Variants in SCN4A observed in about 807,000 individuals in gnomAD.
SCN4A encodes the protein sodium voltage-gated channel alpha subunit 4.
Under a neutral mutation model 162.0 loss-of-function variants are expected in SCN4A, and 83 were observed. The observed-to-expected ratio is 0.51, with a 90% CI of 0.43 to 0.61. The LOEUF is 0.61. Ranked by LOEUF, SCN4A falls within the 20% of genes least tolerant of loss-of-function variation. The pLI, the probability that SCN4A is intolerant of heterozygous loss-of-function variation, is 0.00. For synonymous variants in SCN4A, 944 were observed against 985.1 expected, an observed-to-expected ratio of 0.96 and a Z score of 0.78; for missense variants, 2,196 against 2,462.5, an observed-to-expected ratio of 0.89 and a Z score of 2.29.
At position 63,948,749 on chromosome 17, in the gene SCN4A, C is replaced by G. The variant is rs777574815; in HGVS notation, c.3006G>C (p.Trp1002Cys). The G allele has an allele frequency of 7.5e-6, 12 of 1,610,380 alleles. No homozygotes were observed. Among genetic ancestry groups the G allele is most frequent in the Non-Finnish European group, 1.0e-5 (12 of 1,177,942 alleles). Residue 1002 changes from tryptophan (W) to cysteine (C), a missense_variant, in exon 16 of 24, where the codon TGG becomes TGC. Coordinates refer to ENST00000435607, the MANE Select transcript of SCN4A (RefSeq NM_000334.4). ...GGGAGATGTCCACGTAGAGGCAGGG[C>G]CAGCGCTGCACGCAGGCTGATGGGG... ...ECFTEACVQR[W>C]PCLYVDISQG...
At chr17:63,967,733 G>C (rs978264647) in intron 6 of SCN4A, among the ~76,000 whole-genome samples, 16 of 152,008 alleles carry the variant, frequency 1.1e-4, no homozygotes, top group Middle Eastern at 3.4e-3. Flanking sequence ...AGGAGTTCGA[G>C]ACCAGCCTGG....
intron 13 of SCN4A, among the ~76,000 whole-genome samples, chr17:63,953,127 G>T (rs998884503): frequency 9.2e-5 from 14 of 152,184 alleles, no homozygotes; most frequent in Admixed American, 7.9e-4. Flanking sequence ...TTGGGAGGCT[G>T]GGGCAGGCGG....
chr17:63,943,910 A>AC lies in SCN4A; in HGVS notation c.3913-61dup, dbSNP rs58627885. On this transcript the variant is annotated intron_variant, in intron 21 of 23. Transcript: ENST00000435607. ...AGTTCCCCTTCCTGCCTCCAGGACC[A>AC]CCCCCACCTCAGTGGGGCACCTCAC... The AC allele has an allele frequency of 0.012, 13,579 of 1,090,622 alleles. 1,110 individuals carry two copies. The African/African-American group carries it at 0.18, about 14-fold the overall frequency. The allele number at this position is 1,090,622 out of a possible 1,614,324, so 67.6% of individuals were successfully genotyped here.
In SCN4A at chr17:63,945,131, C is replaced by G. The variant is rs1228043095; in HGVS notation, c.3721-71G>C. ...TTTCATCATCCATGAGTTTCCCTCC[C>G]CCACCCAACCTGGTCCTCCCCTGCC... On this transcript the variant is annotated intron_variant, in intron 19 of 23. Transcript: ENST00000435607. This position sits in a 1 kb window ranked among gnomAD's most constrained non-coding sequence, Gnocchi z 4.4. 3 of 1,500,432 alleles carry G rather than the reference C, an allele frequency of 2.0e-6. No homozygotes were observed. The highest frequency in any genetic ancestry group is 1.7e-5 in the Admixed American group (1 of 57,918). The allele number at this position is 1,500,432 out of a possible 1,614,324, so 92.9% of individuals were successfully genotyped here.
In SCN4A at chr17:63,944,200, C is replaced by T. The variant is rs1192022726; in HGVS notation, c.3913-350G>A. Reference sequence around the variant, plus strand: ...CTGTCACCAGGCTGGAGTGCAGTGGCGCGATCTTGGCCCACTGCAACCTCC... The same window carrying T: ...CTGTCACCAGGCTGGAGTGCAGTGGTGCGATCTTGGCCCACTGCAACCTCC... On this transcript the variant is annotated intron_variant, in intron 21 of 23. Coordinates refer to ENST00000435607, the MANE Select transcript of SCN4A (RefSeq NM_000334.4). This position sits in a 1 kb window ranked among gnomAD's most constrained non-coding sequence, Gnocchi z 4.3. Among the ~76,000 whole-genome samples the T allele has an allele frequency of 6.6e-6, 1 of 152,028 alleles. No individual in the cohort carries two copies. Among genetic ancestry groups the T allele is most frequent in the African/African-American group, 2.4e-5 (1 of 41,364 alleles).
At chr17:63,952,643 G>A (rs1469548586) in intron 13 of SCN4A, among the ~76,000 whole-genome samples, 3 of 152,056 alleles carry the variant, frequency 2.0e-5, no homozygotes, top group African/African-American at 7.3e-5. Context: ...ACTCTGGAAG[G>A]GACATCTGAC....
intron 16 of SCN4A, 132 bp from the exon 17 acceptor site, chr17:63,948,195 C>G: frequency 1.5e-6 from 1 of 649,502 alleles, no homozygotes; most frequent in Non-Finnish European, 2.5e-6. Context: ...ACAGGCTGTC[C>G]GCATCTCCTG....
chr17:63,968,122 A>ACCACATCT lies in SCN4A; in HGVS notation c.929_936dup (p.Tyr313ArgfsTer94). On this transcript the variant is annotated frameshift_variant, in exon 6 of 24. Transcript: ENST00000435607. LOFTEE classifies it high-confidence loss of function. ...TTGGCATACCATGAGTCATTGCCGT[A>ACCACATCT]CCACATCTCATTGCCATACCATGTG... The ACCACATCT allele has an allele frequency of 6.2e-7, 1 of 1,613,842 alleles. No individual in the cohort carries two copies.
chr17:63,954,588 G>A (rs757012463), intron 13 of SCN4A, among the ~76,000 whole-genome samples: 2 of 152,184 alleles, frequency 1.3e-5, no homozygotes, highest in African/African-American at 4.8e-5. Context: ...ACAGTTACCC[G>A]CAGGAAGTGA....
chr17:63,966,941 T>C (rs756275660), intron 6 of SCN4A, among the ~76,000 whole-genome samples: 39 of 149,860 alleles, frequency 2.6e-4, no homozygotes, highest in Non-Finnish European at 5.4e-4. Flanking sequence ...GAAGGCGCTA[T>C]GTAGACTAAC....
intron 8 of SCN4A, 125 bp downstream of exon 8, chr17:63,965,977 C>A: frequency 1.5e-6 from 1 of 689,290 alleles, no homozygotes; most frequent in Admixed American, 2.2e-5. Flanking sequence ...TGCGGGAGTC[C>A]ATGAGGAGAT....
At chr17:63,954,562 C>T (rs529256348) in intron 13 of SCN4A, among the ~76,000 whole-genome samples, 1 of 152,330 alleles carries the variant, frequency 6.6e-6, no homozygotes, top group Admixed American at 6.5e-5. Context: ...TACCTAGTCA[C>T]TTCCTCTTCT....
chr17:63,971,879 G>T (rs1909622378), intron 3 of SCN4A, 29 bp from the exon 4 acceptor site: 4 of 1,611,860 alleles, frequency 2.5e-6, no homozygotes, highest in Non-Finnish European at 3.4e-6. Context: ...GCCGGGACAG[G>T]CATGTCACCT....
intron 11 of SCN4A, among the ~76,000 whole-genome samples, 167 bp downstream of exon 11, chr17:63,961,026 A>AC (rs58426251): frequency 3.5e-3 from 366 of 104,620 alleles, no homozygotes; most frequent in South Asian, 0.013. Context: ...CACCCCAAGT[A>AC]CCCCCCCCCA....
At chr17:63,948,882 C>T (rs1597971815) in intron 15 of SCN4A, 117 bp from the exon 16 acceptor site, 1 of 887,844 alleles carries the variant, frequency 1.1e-6, no homozygotes, top group Non-Finnish European at 1.6e-6. Flanking sequence ...AGCTCCCAGA[C>T]CCAGGGCCCC....
intron 10 of SCN4A, 80 bp from the exon 11 acceptor site, chr17:63,961,511 A>G: frequency 4.8e-6 from 5 of 1,031,972 alleles, no homozygotes; most frequent in Non-Finnish European, 7.5e-6. Flanking sequence ...CTTTTGTTCC[A>G]CCTTCCAAGC....
chr17:63,943,978 C>T (rs993683970), intron 21 of SCN4A, 128 bp from the exon 22 acceptor site: 41 of 637,158 alleles, frequency 6.4e-5, no homozygotes, highest in African/African-American at 3.3e-4. Context: ...CTGGAGGAAG[C>T]GGGAGGGTCA....
intron 17 of SCN4A, 119 bp downstream of exon 17, chr17:63,947,771 G>T (rs898314864): frequency 1.1e-6 from 1 of 937,922 alleles, no homozygotes; most frequent in Non-Finnish European, 1.6e-6. Context: ...ACTGATTGAG[G>T]GTCTGACTCT....
In SCN4A at chr17:63,944,732, A is replaced by C. The variant is rs373730802; in HGVS notation, c.3853T>G (p.Phe1285Val). ...ACGCCAATGAAGAGGTTGAGGGTGA[A>C]GAAGGAGCCAAAGATGATGAAGATG... is the stretch of plus-strand genomic sequence containing the variant. ...FVIFIIFGSF[F>V]TLNLFIGVII... Residue 1285 changes from phenylalanine to valine, a missense_variant, in exon 21 of 24, where the codon TTC (phenylalanine) becomes GTC (valine). By Grantham distance (50) the Phe-to-Val change is conservative. Coordinates refer to ENST00000435607, the MANE Select transcript of SCN4A (RefSeq NM_000334.4). The surrounding 1 kb of genome is among the most constrained non-coding windows in gnomAD (Gnocchi z 4.3). The C allele has an allele frequency of 3.1e-6, 5 of 1,613,362 alleles. No individual in the cohort carries two copies. The highest frequency in any genetic ancestry group is 3.4e-6 in the Non-Finnish European group (4 of 1,179,716).
Sources: gnomAD v4.1 joint callset for allele counts (sites outside exome capture counted in the v4.1 genomes callset) on GRCh38, gnomAD v4.1.1 for gene constraint, Gnocchi (gnomAD v3.1) non-coding constraint, MANE v1.5 for transcripts, NCBI Gene and HGNC (gene_info 2026-07-23, HGNC 2026-07-21) for gene names.